Variants in HIP1 observed in about 807,000 individuals in gnomAD.
The protein encoded by HIP1 is huntingtin-interacting protein 1.
In HIP1, 65 loss-of-function variants were observed where a neutral mutation model predicts 147.6. The ratio of observed to expected loss-of-function variants is 0.44; its 90% CI spans 0.36 to 0.54. The LOEUF (loss-of-function observed/expected upper bound fraction) is 0.54. Among genes scored for constraint, HIP1 ranks in the 20% least tolerant of loss-of-function variants. HIP1 has a pLI of 0.00. For synonymous variants in HIP1, 479 were observed against 504.0 expected (o/e 0.95, Z 0.67); for missense variants, 1,061 against 1,299.6 (o/e 0.82, Z 2.82).
At chr7:75,641,738 C>G (rs1554510537) in intron 1 of HIP1, among the ~76,000 whole-genome samples, 1 of 152,146 alleles carries the variant, frequency 6.6e-6, no homozygotes, top group African/African-American at 2.4e-5. Context: ...CTCAGCCTCC[C>G]AAAGTGCTGG....
chr7:75,612,059 C>T (rs1307626397), intron 1 of HIP1, among the ~76,000 whole-genome samples: 1 of 152,242 alleles, frequency 6.6e-6, no homozygotes, highest in Non-Finnish European at 1.5e-5. Context: ...AGAAGCCCAG[C>T]CCTCGGGCTG....
At chr7:75,554,354 G>T (rs782279900) in intron 20 of HIP1, 86 bp downstream of exon 20, 2 of 1,302,130 alleles carry the variant, frequency 1.5e-6, no homozygotes, top group African/African-American at 2.9e-5. Context: ...GATGCAGAGG[G>T]ACCTGTCACT....
Position 75,584,263 on chromosome 7 carries a change from C to CA in HIP1, c.466-2113dup, listed in dbSNP as rs782692471. Among the ~76,000 whole-genome samples the CA allele has an allele frequency of 3.2e-4, 49 of 151,122 alleles. No individual in the cohort carries two copies. The South Asian group carries it at 5.9e-3, about 18-fold the overall frequency. ...ACAAGCGTGAGCCACCGCGCCTGGC[C>CA]AAAAAAAATTTTTTTTAAGAGACAG... On this transcript the variant is annotated intron_variant, in intron 5 of 30. Coordinates refer to ENST00000336926, the MANE Select transcript of HIP1 (RefSeq NM_005338.7).
At chr7:75,567,399 T>TTTC (rs1332564578) in intron 9 of HIP1, among the ~76,000 whole-genome samples, 1 of 151,624 alleles carries the variant, frequency 6.6e-6, no homozygotes, top group South Asian at 2.1e-4. Flanking sequence ...ATGAAATCTC[T>TTTC]TTCTTCTATA....
intron 30 of HIP1, among the ~76,000 whole-genome samples, chr7:75,538,570 C>CTTTT (rs67030357): frequency 7.3e-4 from 82 of 112,910 alleles, no homozygotes; most frequent in East Asian, 1.5e-3. Flanking sequence ...CTGATCCCTT[C>CTTTT]TTTTTTTTTT....
At chr7:75,595,251 T>TTCCTTCCTTC (rs1796675604) in intron 2 of HIP1, among the ~76,000 whole-genome samples, 4 of 59,504 alleles carry the variant, frequency 6.7e-5, no homozygotes, top group Non-Finnish European at 9.3e-5. Context: ...TTTCTTTCTT[T>TTCCTTCCTTC]CTTCCTTCCT....
intron 1 of HIP1, among the ~76,000 whole-genome samples, chr7:75,615,722 C>T (rs1191653023): frequency 6.6e-6 from 1 of 151,860 alleles, no homozygotes; most frequent in Non-Finnish European, 1.5e-5. Context: ...GCAGTTGAGC[C>T]GAGATTGTGC....
At chr7:75,595,827 C>T (rs1442509892) in intron 2 of HIP1, among the ~76,000 whole-genome samples, 1 of 152,090 alleles carries the variant, frequency 6.6e-6, no homozygotes, top group Non-Finnish European at 1.5e-5. Flanking sequence ...ACCAAGGTGG[C>T]GGGCCAACCT....
intron 1 of HIP1, among the ~76,000 whole-genome samples, chr7:75,630,841 T>C (rs1798188231): frequency 6.6e-6 from 1 of 152,214 alleles, no homozygotes; most frequent in South Asian, 2.1e-4. Flanking sequence ...AATGCTCCCC[T>C]CTTTCCCTGA....
intron 1 of HIP1, among the ~76,000 whole-genome samples, chr7:75,669,954 T>C (rs891160951): frequency 2.0e-5 from 3 of 151,868 alleles, no homozygotes; most frequent in East Asian, 2.0e-4. Flanking sequence ...GTGCTCACCA[T>C]GATGCCCAGC....
At chr7:75,665,571 G>A (rs192149213) in intron 1 of HIP1, among the ~76,000 whole-genome samples, 316 of 149,030 alleles carry the variant, frequency 2.1e-3, no homozygotes, top group Non-Finnish European at 3.4e-3. Context: ...AGACAGTCTC[G>A]CTCTGTCGCT....
In HIP1 at chr7:75,556,163, C is replaced by T; in HGVS notation, c.1690G>A (p.Ala564Thr). The change falls in exon 18 of 31, where the codon GCA becomes ACA. Residue 564 changes from alanine (A) to threonine (T), a missense_variant. By Grantham distance (58) the Ala-to-Thr change is moderately conservative (BLOSUM62 0). Around this residue, in one of 3 missense-constraint regions of HIP1, gnomAD observed 810 missense variants for 946.8 expected, o/e 0.86. Transcript: ENST00000336926. ...TCGGCGAACTCGGCTGCCCAGTTTG[C>T]TTCTGACTGCAAAGGTGACCACAAG... ...GSLETSAQSE[A>T]NWAAEFAELE... 1.2e-6 allele frequency: 2 copies of T among 1,613,984 alleles called. No homozygotes were observed. The highest frequency in any genetic ancestry group is 8.5e-7 in the Non-Finnish European group (1 of 1,179,956).
intron 1 of HIP1, among the ~76,000 whole-genome samples, chr7:75,724,929 G>A (rs551826357): frequency 4.6e-5 from 7 of 152,290 alleles, no homozygotes; most frequent in African/African-American, 1.7e-4. Context: ...TCCGAGGGGA[G>A]GCAGAATTTG....
chr7:75,638,005 T>TACACAC (rs372119007), intron 1 of HIP1, among the ~76,000 whole-genome samples: 1,831 of 43,908 alleles, frequency 0.042, 86 homozygotes, highest in Middle Eastern at 0.1. Flanking sequence ...CACACACACA[T>TACACAC]ACACACACAC....
intron 1 of HIP1, among the ~76,000 whole-genome samples, chr7:75,718,444 G>C (rs1554520805): frequency 6.6e-6 from 1 of 152,156 alleles, no homozygotes; most frequent in Admixed American, 6.6e-5. Context: ...AAGGCTGAGA[G>C]AATGCTGTTT....
intron 1 of HIP1, among the ~76,000 whole-genome samples, chr7:75,702,076 C>T (rs1171238596): frequency 6.6e-6 from 1 of 151,106 alleles, no homozygotes; most frequent in Non-Finnish European, 1.5e-5. Flanking sequence ...ACTACAGGTG[C>T]CTGCCACCAT....
intron 1 of HIP1, among the ~76,000 whole-genome samples, chr7:75,709,656 T>C (rs1554519979): frequency 6.6e-6 from 1 of 152,178 alleles, no homozygotes; most frequent in Non-Finnish European, 1.5e-5. Flanking sequence ...TCCTTTCCAA[T>C]TTGGATGCCT....
intron 1 of HIP1, among the ~76,000 whole-genome samples, chr7:75,738,408 C>CA (rs1802095372): frequency 6.6e-6 from 1 of 152,166 alleles, no homozygotes; most frequent in Non-Finnish European, 1.5e-5. Context: ...CCGGCGCCCC[C>CA]ACTCTCCGCC....
chr7:75,540,874 A>T (rs587653032), intron 29 of HIP1, among the ~76,000 whole-genome samples: 25 of 152,314 alleles, frequency 1.6e-4, no homozygotes, highest in African/African-American at 5.3e-4. Context: ...GAAGTCTAAA[A>T]CAGTGTTTAT....
Sources: allele counts gnomAD v4.1 joint callset (sites outside exome capture counted in the v4.1 genomes callset), GRCh38; gene constraint gnomAD v4.1.1; regional missense constraint gnomAD v4.1.1; transcripts MANE v1.5; gene names NCBI Gene and HGNC (gene_info 2026-07-23, HGNC 2026-07-21).